MYLK4: variants seen among roughly 807,000 people sequenced by gnomAD.
MYLK4 encodes the protein caMLCK like.
A neutral mutation model predicts 48.1 loss-of-function variants in MYLK4; 46 were observed. The ratio of observed to expected loss-of-function variants is 0.96; its 90% CI spans 0.75 to 1.22. The LOEUF is 1.22. Among genes scored for constraint, MYLK4 ranks in the 50% most tolerant of loss-of-function variants. The pLI, the probability that MYLK4 is intolerant of heterozygous loss-of-function variation, is 0.00. For synonymous variants in MYLK4, 170 were observed against 180.8 expected, an observed-to-expected ratio of 0.94 and a Z score of 0.48; for missense variants, 451 against 486.1, an observed-to-expected ratio of 0.93 and a Z score of 0.68.
the MYLK4 span, chr6:2,770,265 C>G: frequency 6.2e-7 from 1 of 1,614,204 alleles, no homozygotes; most frequent in Non-Finnish European, 8.5e-7. Context: ...GCAATGGTGA[C>G]TATTTTAATG....
intron 2 of MYLK4, among the ~76,000 whole-genome samples, chr6:2,696,197 C>T (rs1393014873): frequency 1.3e-5 from 2 of 152,222 alleles, no homozygotes; most frequent in African/African-American, 4.8e-5. Flanking sequence ...GCTCTCTCCA[C>T]TCTGTCTGGC....
At chr6:2,727,457 G>A (rs538224486) in intron 2 of MYLK4, among the ~76,000 whole-genome samples, 1 of 152,154 alleles carries the variant, frequency 6.6e-6, no homozygotes, top group African/African-American at 2.4e-5. Flanking sequence ...CCTGATCCCT[G>A]CCCCCATGCA....
At chr6:2,762,872 T>C in the MYLK4 span, among the ~76,000 whole-genome samples, 1 of 152,182 alleles carries the variant, frequency 6.6e-6, no homozygotes, top group Non-Finnish European at 1.5e-5. Flanking sequence ...TCAGTGGGTT[T>C]GTGGTCTGAC....
At chr6:2,765,599 G>C in the MYLK4 span, 1 of 1,489,350 alleles carries the variant, frequency 6.7e-7, no homozygotes, top group Non-Finnish European at 8.9e-7. Context: ...GCCGCGCCGG[G>C]CGCCGGGGAG....
At chr6:2,766,135 CGGCGAT>C in the MYLK4 span, 76 of 1,239,886 alleles carry the variant, frequency 6.1e-5, no homozygotes, top group Non-Finnish European at 7.6e-5. Flanking sequence ...CCGTGGGCGA[CGGCGAT>C]GGCGACGGGG....
intron 7 of MYLK4, among the ~76,000 whole-genome samples, chr6:2,681,690 C>T (rs1463083998): frequency 2.6e-5 from 4 of 152,144 alleles, no homozygotes; most frequent in Non-Finnish European, 4.4e-5. Context: ...ATTTTTGGCC[C>T]TTTTCCTTCC....
chr6:2,762,961 A>G, the MYLK4 span, among the ~76,000 whole-genome samples: 1 of 152,118 alleles, frequency 6.6e-6, no homozygotes, highest in African/African-American at 2.4e-5. Context: ...AACACCAGCT[A>G]ATGCAAAAAA....
chr6:2,679,756 C>A (rs1283077098), intron 8 of MYLK4, among the ~76,000 whole-genome samples: 5 of 152,182 alleles, frequency 3.3e-5, no homozygotes, highest in Non-Finnish European at 7.4e-5. Context: ...TGAATAAACA[C>A]AGTACTGCAA....
At chr6:2,752,661 TG>T (rs1223222181), upstream of MYLK4, among the ~76,000 whole-genome samples, 2 of 152,092 alleles carry the variant, frequency 1.3e-5, no homozygotes, top group Admixed American at 6.5e-5. Context: ...GAATAGGCTG[TG>T]GAGATAGAAA....
the MYLK4 span, chr6:2,765,815 T>C: frequency 2.4e-5 from 33 of 1,354,164 alleles, no homozygotes; most frequent in Non-Finnish European, 3.1e-5. Context: ...CAAGGGGCCC[T>C]CGCCGCCCGG....
chr6:2,743,883 G>A, intron 2 of MYLK4: 1 of 398,596 alleles, frequency 2.5e-6, no homozygotes, highest in East Asian at 3.6e-5. Context: ...TTAGATAAAG[G>A]TGATTTTACT....
At chr6:2,723,398 G>T (rs1763139026) in intron 2 of MYLK4, among the ~76,000 whole-genome samples, 1 of 152,344 alleles carries the variant, frequency 6.6e-6, no homozygotes, top group East Asian at 1.9e-4. Flanking sequence ...GAAACATGGG[G>T]AAGAGTTTAT....
Position 2,671,350 on chromosome 6 carries a change from TA to T in MYLK4, c.1120-3del. The T allele has an allele frequency of 6.2e-7, 1 of 1,613,820 alleles. No individual in the cohort carries two copies. Among genetic ancestry groups the T allele is most frequent in the African/African-American group, 1.3e-5 (1 of 75,022 alleles). On this transcript the variant is annotated splice_polypyrimidine_tract_variant and splice_region_variant and intron_variant, in intron 11 of 12. Transcript: ENST00000274643. ...ATCAGAGCCACGATTCTTCTTCTTC[TA>T]GGGAAAGCAGAAGGCATATGGGAAG...
At chr6:2,692,962 T>C (rs1582054034) in intron 2 of MYLK4, 103 bp from the exon 3 acceptor site, 1 of 1,064,622 alleles carries the variant, frequency 9.4e-7, no homozygotes, top group East Asian at 2.7e-5. Flanking sequence ...TGGTGGGGAA[T>C]GTCACGAGCA....
the MYLK4 span, among the ~76,000 whole-genome samples, chr6:2,766,680 A>G: frequency 1.3e-5 from 2 of 152,116 alleles, no homozygotes; most frequent in Non-Finnish European, 2.9e-5. Context: ...TTGCAAAAGG[A>G]CGATGTCTGT....
chr6:2,677,720 G>C (rs144739569), intron 10 of MYLK4, among the ~76,000 whole-genome samples: 9 of 152,156 alleles, frequency 5.9e-5, no homozygotes, highest in African/African-American at 2.2e-4. Context: ...AATTACTGGC[G>C]GTATGATGAT....
rs192663659 is a variant in MYLK4 at position 2,726,060 on chromosome 6, T to C, written c.159+23076A>G. ...GAGGGGTTTTCCAAGGAGTAAGCAGTGGCCAACAGCGCTGAGTCGTCCCTT... is the reference window on the plus strand; with the variant it reads ...GAGGGGTTTTCCAAGGAGTAAGCAGCGGCCAACAGCGCTGAGTCGTCCCTT... On this transcript the variant is annotated intron_variant, in intron 2 of 12. Coordinates refer to ENST00000274643, the MANE Select transcript of MYLK4 (RefSeq NM_001012418.5). Among the ~76,000 whole-genome samples, 15 of 152,330 alleles carry C rather than the reference T, an allele frequency of 9.8e-5. No individual in the cohort carries two copies. In the East Asian group the frequency reaches 1.9e-3, roughly 20 times the overall value.
rs984050102 is a variant in MYLK4 at position 2,664,646 on chromosome 6, C to T, written c.*3279G>A. 2 of 152,172 alleles carry T rather than the reference C, an allele frequency of 1.3e-5. No homozygotes were observed. Among genetic ancestry groups the T allele is most frequent in the African/African-American group, 2.4e-5 (1 of 41,444 alleles). The allele number at this position is 152,172 out of a possible 1,614,324, so 9.4% of individuals were successfully genotyped here. Reference sequence around the variant, plus strand: ...ATAAAATGGATAAAAATTAAGTATTCACACATCTTTCCAAACATACATCAA... The same window carrying T: ...ATAAAATGGATAAAAATTAAGTATTTACACATCTTTCCAAACATACATCAA... On this transcript the variant is annotated 3_prime_UTR_variant, in exon 13 of 13. Transcript: ENST00000274643.
chr6:2,708,918 A>G (rs1182912589), intron 2 of MYLK4, among the ~76,000 whole-genome samples: 1 of 152,222 alleles, frequency 6.6e-6, no homozygotes. Context: ...ATAAAATTTC[A>G]GATTGTCCCC....
Sources: gnomAD v4.1 joint callset for allele counts (sites outside exome capture counted in the v4.1 genomes callset) on GRCh38, gnomAD v4.1.1 for gene constraint, MANE v1.5 for transcripts, NCBI Gene and HGNC (gene_info 2026-07-23, HGNC 2026-07-21) for gene names.